Variants in MORN1 observed in about 807,000 individuals in gnomAD.
The protein encoded by MORN1 is MORN repeat-containing protein 1.
MORN1 carries 67 observed loss-of-function variants against 61.9 expected under a neutral mutation model. The ratio of observed to expected loss-of-function variants is 1.08; its 90% confidence interval spans 0.89 to 1.33. The LOEUF (loss-of-function observed/expected upper bound fraction) is 1.33. MORN1 is among the 40% of genes most tolerant of loss of function. The probability of loss-of-function intolerance (pLI) is 0.00; values close to 1 mark genes in which losing one functional copy is unlikely to be tolerated. For missense variants in MORN1, 752 were observed against 691.2 expected (o/e 1.09, Z -0.99); for synonymous variants, 301 against 292.0 (o/e 1.03, Z -0.31).
intron 10 of MORN1, among the ~76,000 whole-genome samples, chr1:2,353,299 T>A (rs1569975911): frequency 2.0e-5 from 3 of 152,386 alleles, no homozygotes; most frequent in East Asian, 3.9e-4. Flanking sequence ...GCCACCCTTT[T>A]GTTTTCTTTC....
intron 10 of MORN1, chr1:2,355,347 C>A: frequency 6.6e-7 from 1 of 1,522,568 alleles, no homozygotes; most frequent in Admixed American, 2.0e-5. Context: ...CCGGGCCCTG[C>A]TGCCCCACCT....
chr1:2,358,262 G>A (rs1005721594), intron 9 of MORN1, among the ~76,000 whole-genome samples: 2 of 152,044 alleles, frequency 1.3e-5, no homozygotes, highest in Non-Finnish European at 2.9e-5. Flanking sequence ...CTCTGCAGCC[G>A]ACCCTCCTCC....
intron 13 of MORN1, chr1:2,322,077 T>C: frequency 1.0e-6 from 1 of 985,344 alleles, no homozygotes. Context: ...CCTGGCCCCT[T>C]CCCCACACCC....
At chr1:2,361,413 C>T (rs781775732) in intron 8 of MORN1, among the ~76,000 whole-genome samples, 1 of 152,014 alleles carries the variant, frequency 6.6e-6, no homozygotes, top group Non-Finnish European at 1.5e-5. Flanking sequence ...AAAAAATTAG[C>T]TGGGTGTGGT....
chr1:2,355,513 C>T (rs1405788767), intron 10 of MORN1: 1 of 1,547,338 alleles, frequency 6.5e-7, no homozygotes, highest in Non-Finnish European at 8.7e-7. Context: ...CTTCTAGCCA[C>T]CAGCTGGGTG....
chr1:2,325,140 C>CTCCCTTCCTTCCCTTCCT (rs1553205809), intron 12 of MORN1, among the ~76,000 whole-genome samples: 3 of 6,692 alleles, frequency 4.5e-4, no homozygotes, highest in Non-Finnish European at 7.4e-4. Context: ...CCTTCCCTCC[C>CTCCCTTCCTTCCCTTCCT]TCCCTCCCTT....
chr1:2,384,850 G>T, intron 6 of MORN1, 128 bp downstream of exon 6: 1 of 741,392 alleles, frequency 1.3e-6, no homozygotes, highest in Non-Finnish European at 2.1e-6. Flanking sequence ...TCCCACACGG[G>T]ATCAGGGAAT....
intron 1 of MORN1, 40 bp from the exon 2 acceptor site, chr1:2,390,036 A>G: frequency 6.4e-7 from 1 of 1,558,446 alleles, no homozygotes; most frequent in Non-Finnish European, 8.9e-7. Flanking sequence ...GCACAGACAC[A>G]GAGATGAGGG....
At position 2,372,168 on chromosome 1, in the gene MORN1, A is replaced by C. The variant is rs1642136536; in HGVS notation, c.745+313T>G. 3.6e-6 allele frequency: 1 copy of C among 280,272 alleles called. No individual in the cohort carries two copies. The highest frequency in any genetic ancestry group is 4.9e-5 in the Admixed American group (1 of 20,284). The allele number at this position is 280,272 out of a possible 1,614,324, so 17.4% of individuals were successfully genotyped here. ...AGGAAGGACACTCTGACACACGTGC[A>C]CGCGTGCCCCCCCACACGTATACAC... On this transcript the variant is annotated intron_variant, in intron 8 of 13. Coordinates refer to ENST00000378531, the MANE Select transcript of MORN1 (RefSeq NM_024848.3). The surrounding 1 kb of genome is among the most constrained non-coding windows in gnomAD (Gnocchi z 5.4).
chr1:2,382,749 C>T (rs922833618), intron 6 of MORN1, among the ~76,000 whole-genome samples: 17 of 152,142 alleles, frequency 1.1e-4, no homozygotes, highest in African/African-American at 3.9e-4. Context: ...GCATATGGCT[C>T]AGGTGAGAAC....
intron 10 of MORN1, among the ~76,000 whole-genome samples, chr1:2,346,425 G>A (rs899099494): frequency 6.6e-6 from 1 of 152,058 alleles, no homozygotes; most frequent in East Asian, 1.9e-4. Context: ...TCGCTCTGTC[G>A]CCCAGGATGG....
chr1:2,354,449 T>G (rs2100297631), intron 10 of MORN1, among the ~76,000 whole-genome samples: 1 of 152,074 alleles, frequency 6.6e-6, no homozygotes, highest in Non-Finnish European at 1.5e-5. Context: ...TGCCTGTGGT[T>G]CCAGCTACTC....
chr1:2,324,219 G>C (rs1640947743), intron 12 of MORN1, 76 bp from the exon 13 acceptor site: 3 of 1,466,636 alleles, frequency 2.0e-6, no homozygotes, highest in Admixed American at 4.0e-5. Flanking sequence ...ACCTGAACCA[G>C]GGCTAGTGGC....
intron 10 of MORN1, among the ~76,000 whole-genome samples, chr1:2,353,595 T>A (rs772084600): frequency 2.6e-5 from 4 of 152,270 alleles, no homozygotes; most frequent in Non-Finnish European, 5.9e-5. Flanking sequence ...TACTTTAGTT[T>A]TCTCCTACTT....
At chr1:2,375,700 C>T (rs1421788369) in intron 6 of MORN1, 1 of 152,294 alleles carries the variant, frequency 6.6e-6, no homozygotes, top group East Asian at 1.9e-4. Context: ...AAAGGCAGCT[C>T]TCAGCTTCAG....
intron 8 of MORN1, among the ~76,000 whole-genome samples, chr1:2,361,033 A>G (rs1195853461): frequency 6.6e-6 from 1 of 152,220 alleles, no homozygotes; most frequent in Non-Finnish European, 1.5e-5. Flanking sequence ...GAATACAAAA[A>G]TATCCAATAC....
At chr1:2,342,519 C>T (rs939391563) in intron 10 of MORN1, among the ~76,000 whole-genome samples, 1 of 152,250 alleles carries the variant, frequency 6.6e-6, no homozygotes, top group Non-Finnish European at 1.5e-5. Flanking sequence ...CCGAGAAGCG[C>T]GGCTCATTAG....
chr1:2,353,597 C>T (rs924708443), intron 10 of MORN1, among the ~76,000 whole-genome samples: 1 of 152,268 alleles, frequency 6.6e-6, no homozygotes, highest in Non-Finnish European at 1.5e-5. Flanking sequence ...CTTTAGTTTT[C>T]TCCTACTTGG....
intron 10 of MORN1, among the ~76,000 whole-genome samples, chr1:2,349,317 G>A (rs1449467921): frequency 1.3e-5 from 2 of 152,176 alleles, no homozygotes; most frequent in Non-Finnish European, 2.9e-5. Flanking sequence ...CCCCAAGGGA[G>A]GGGTGCTCCA....
Sources: allele counts gnomAD v4.1 joint callset (sites outside exome capture counted in the v4.1 genomes callset), GRCh38; gene constraint gnomAD v4.1.1; non-coding constraint Gnocchi (gnomAD v3.1); transcripts MANE v1.5; gene names NCBI Gene and HGNC (gene_info 2026-07-23, HGNC 2026-07-21).